NRG1: variants seen among roughly 807,000 people sequenced by gnomAD.
NRG1 encodes the protein pro-neuregulin-1, membrane-bound isoform.
Under a neutral mutation model 63.8 loss-of-function variants are expected in NRG1, and 18 were observed. The ratio of observed to expected loss-of-function variants is 0.28; its 90% CI spans 0.19 to 0.42. The LOEUF (loss-of-function observed/expected upper bound fraction) is 0.42. Among genes scored for constraint, NRG1 ranks in the 10% least tolerant of loss-of-function variants. The pLI is 1.00. For missense variants in NRG1, 762 were observed against 814.7 expected (o/e 0.94, Z 0.79); for synonymous variants, 302 against 301.3 (o/e 1.00, Z -0.02).
intron 5 of NRG1, among the ~76,000 whole-genome samples, chr8:32,656,213 G>A (rs760040263): frequency 2.6e-5 from 4 of 151,928 alleles, no homozygotes; most frequent in Non-Finnish European, 4.4e-5. Context: ...AATAAAATGA[G>A]CAGATAAAAA....
At chr8:32,736,908 A>G (rs1228446916) in intron 6 of NRG1, among the ~76,000 whole-genome samples, 7 of 152,190 alleles carry the variant, frequency 4.6e-5, no homozygotes, top group Non-Finnish European at 7.3e-5. Context: ...AAAAATGGAA[A>G]ATAATTTATT....
chr8:32,383,881 G>A (rs1448732203), intron 1 of NRG1, among the ~76,000 whole-genome samples: 1 of 152,152 alleles, frequency 6.6e-6, no homozygotes, highest in African/African-American at 2.4e-5. Context: ...TGGTAAATTG[G>A]GACTGTAATT....
chr8:31,680,916 A>G (rs1808275174), intron 1 of NRG1, among the ~76,000 whole-genome samples: 1 of 152,184 alleles, frequency 6.6e-6, no homozygotes, highest in African/African-American at 2.4e-5. Context: ...TTGCCCTCCC[A>G]GATATTAAAA....
chr8:32,727,222 C>G (rs771493799), intron 5 of NRG1, among the ~76,000 whole-genome samples: 13 of 152,146 alleles, frequency 8.5e-5, no homozygotes, highest in Non-Finnish European at 1.9e-4. Context: ...AAACTTGAAA[C>G]TTATTTCTAC....
At chr8:31,983,248 T>G (rs2129631139) in intron 1 of NRG1, among the ~76,000 whole-genome samples, 1 of 152,232 alleles carries the variant, frequency 6.6e-6, no homozygotes, top group East Asian at 1.9e-4. Context: ...TGTGAATCTT[T>G]TATCTATCTT....
chr8:32,582,588 C>T (rs1441300520), intron 1 of NRG1, among the ~76,000 whole-genome samples: 1 of 152,148 alleles, frequency 6.6e-6, no homozygotes, highest in African/African-American at 2.4e-5. Context: ...GGAAGGTAAA[C>T]TTACCTTGCA....
intron 5 of NRG1, among the ~76,000 whole-genome samples, chr8:32,625,666 A>G (rs1474869624): frequency 1.3e-5 from 2 of 152,174 alleles, no homozygotes; most frequent in Non-Finnish European, 2.9e-5. Context: ...GGATAGGCCA[A>G]GTGACACTTA....
chr8:31,911,715 C>T (rs1205648853), intron 1 of NRG1, among the ~76,000 whole-genome samples: 2 of 152,160 alleles, frequency 1.3e-5, no homozygotes, highest in Admixed American at 6.6e-5. Context: ...ACATGTACCT[C>T]TGAACTTAAA....
At chr8:32,641,137 G>A (rs941277814) in intron 5 of NRG1, among the ~76,000 whole-genome samples, 4 of 146,224 alleles carry the variant, frequency 2.7e-5, no homozygotes, top group African/African-American at 7.5e-5. Context: ...GTGAAACCCC[G>A]TCTCTAAATA....
At chr8:32,092,805 A>G (rs1829374213) in intron 1 of NRG1, among the ~76,000 whole-genome samples, 1 of 152,166 alleles carries the variant, frequency 6.6e-6, no homozygotes, top group African/African-American at 2.4e-5. Context: ...GTCCCAGTGC[A>G]CCATGCATTG....
intron 1 of NRG1, among the ~76,000 whole-genome samples, chr8:31,672,595 G>A (rs957302546): frequency 2.0e-5 from 3 of 152,112 alleles, no homozygotes; most frequent in Middle Eastern, 3.2e-3. Context: ...CAGGAAATAT[G>A]TGTTTTCAGA....
chr8:31,817,979 G>C (rs1823617470), intron 1 of NRG1, among the ~76,000 whole-genome samples: 1 of 152,120 alleles, frequency 6.6e-6, no homozygotes, highest in Admixed American at 6.5e-5. Flanking sequence ...CTACATGTAA[G>C]GTTGAAACAG....
chr8:32,756,677 A>G, intron 9 of NRG1, 148 bp downstream of exon 9: 1 of 1,150,754 alleles, frequency 8.7e-7, no homozygotes, highest in Non-Finnish European at 1.2e-6. Context: ...AGGAGAAAAT[A>G]ATGGGAACAT....
chr8:32,620,091 A>G (rs1340100257), intron 5 of NRG1, among the ~76,000 whole-genome samples: 2 of 152,244 alleles, frequency 1.3e-5, no homozygotes, highest in African/African-American at 2.4e-5. Flanking sequence ...AGAGTCAGCA[A>G]TAACAATAAG....
At chr8:32,033,423 C>T (rs986278383) in intron 1 of NRG1, among the ~76,000 whole-genome samples, 8 of 152,070 alleles carry the variant, frequency 5.3e-5, no homozygotes, top group African/African-American at 1.9e-4. Context: ...ATAGTCTTGG[C>T]TGTATGAGCT....
At chr8:31,930,126 T>A (rs997524151) in intron 1 of NRG1, among the ~76,000 whole-genome samples, 7 of 150,806 alleles carry the variant, frequency 4.6e-5, no homozygotes, top group Non-Finnish European at 1.0e-4. Context: ...TGAACAGGAT[T>A]CTTTTGAGTA....
chr8:32,367,033 A>G (rs1265376478), intron 1 of NRG1, among the ~76,000 whole-genome samples: 1 of 151,934 alleles, frequency 6.6e-6, no homozygotes, highest in East Asian at 1.9e-4. Flanking sequence ...TTATCCATTC[A>G]TCCATTGATG....
intron 1 of NRG1, among the ~76,000 whole-genome samples, chr8:32,486,799 A>G (rs1442201505): frequency 6.6e-6 from 1 of 151,904 alleles, no homozygotes; most frequent in Non-Finnish European, 1.5e-5. Context: ...TAATTTTTGT[A>G]TTTTTAGTAG....
chr8:32,402,513 G>T (rs939364883), intron 1 of NRG1, among the ~76,000 whole-genome samples: 24 of 152,126 alleles, frequency 1.6e-4, no homozygotes, highest in African/African-American at 5.8e-4. Flanking sequence ...TCCCATGCGG[G>T]ACATGAATTC....
Sources: allele counts gnomAD v4.1 joint callset (sites outside exome capture counted in the v4.1 genomes callset), GRCh38; gene constraint gnomAD v4.1.1; transcripts MANE v1.5; gene names NCBI Gene and HGNC (gene_info 2026-07-23, HGNC 2026-07-21).